Variants in COL6A3 observed in about 807,000 individuals in gnomAD.
The protein encoded by COL6A3 is collagen type VI alpha 3 chain, also known as collagen alpha-3(VI) chain.
Under a neutral mutation model 274.1 loss-of-function variants are expected in COL6A3, and 137 were observed. The observed-to-expected ratio is 0.50, with a 90% CI of 0.44 to 0.58. The LOEUF (loss-of-function observed/expected upper bound fraction) is 0.58, where lower values mean the gene tolerates loss of function less well. Among genes scored for constraint, COL6A3 ranks in the 20% least tolerant of loss-of-function variants. The probability of loss-of-function intolerance (pLI) is 0.00; values close to 1 mark genes in which losing one functional copy is unlikely to be tolerated. For synonymous variants in COL6A3, 1,650 were observed against 1,650.6 expected, an observed-to-expected ratio of 1.00 and a Z score of 0.01; for missense variants, 3,950 against 4,124.9, an observed-to-expected ratio of 0.96 and a Z score of 1.16.
At position 237,382,311 on chromosome 2, in the gene COL6A3, A is replaced by G. The variant is rs1210982438; in HGVS notation, c.1313-812T>C. 3.9e-5 allele frequency among the ~76,000 whole-genome samples: 6 copies of G among 152,266 alleles called. No homozygotes were observed. In the East Asian group the frequency reaches 1.2e-3, roughly 29 times the overall value. On this transcript the variant is annotated intron_variant, in intron 4 of 43. Transcript: ENST00000295550. ...GGCATGAGAATCACTTGAACCTGGA[A>G]GGAGGAGGTTCCAGTAAGCCGGGAT...
At chr2:237,383,428 C>T (rs1267262213) in intron 4 of COL6A3, among the ~76,000 whole-genome samples, 1 of 152,160 alleles carries the variant, frequency 6.6e-6, no homozygotes, top group African/African-American at 2.4e-5. Flanking sequence ...CATGCTGTCT[C>T]TCTGGGCTAC....
At chr2:237,377,484 C>A in intron 6 of COL6A3, 140 bp from the exon 7 acceptor site, 2 of 788,368 alleles carry the variant, frequency 2.5e-6, no homozygotes, top group South Asian at 3.0e-5. Context: ...AAGAGAAAAC[C>A]CAAATTCATA....
chr2:237,332,070 C>CACATATATAT (rs1700262837), intron 42 of COL6A3, among the ~76,000 whole-genome samples: 1 of 35,172 alleles, frequency 2.8e-5, no homozygotes, highest in Non-Finnish European at 7.0e-5. Flanking sequence ...TCTCTCTCTA[C>CACATATATAT]ATATATATAT....
intron 10 of COL6A3, 143 bp from the exon 11 acceptor site, chr2:237,367,429 C>T (rs2077580184): frequency 2.2e-5 from 22 of 994,286 alleles, no homozygotes; most frequent in Non-Finnish European, 2.9e-5. Flanking sequence ...ATCCATGCCT[C>T]TTTAGCCTGT....
intron 1 of COL6A3, among the ~76,000 whole-genome samples, chr2:237,398,684 C>T (rs905143233): frequency 2.6e-5 from 4 of 152,190 alleles, no homozygotes; most frequent in African/African-American, 9.7e-5. Flanking sequence ...TCTTGGAATT[C>T]TTAAAACATT....
intron 23 of COL6A3, 150 bp from the exon 24 acceptor site, chr2:237,355,084 C>G: frequency 1.4e-6 from 1 of 704,054 alleles, no homozygotes; most frequent in South Asian, 1.8e-5. Context: ...CCAGAAACCA[C>G]ACCTCATCAG....
chr2:237,411,747 C>A (rs746451945), intron 1 of COL6A3, among the ~76,000 whole-genome samples: 10 of 152,196 alleles, frequency 6.6e-5, no homozygotes, highest in Non-Finnish European at 1.5e-4. Context: ...GACAATTTTT[C>A]AGAAAGGTGC....
In COL6A3 at chr2:237,348,330, C is replaced by T. The variant is rs369486630; in HGVS notation, c.6966+19G>A. The T allele has an allele frequency of 1.2e-6, 2 of 1,602,660 alleles. No homozygotes were observed. The highest frequency in any genetic ancestry group is 1.1e-5 in the South Asian group (1 of 90,826). ...ATCCCAAAATCATGATGATGCTTCACCGACCAGGGATTATTTACCTTTGGT... is the reference window on the plus strand; with the variant it reads ...ATCCCAAAATCATGATGATGCTTCATCGACCAGGGATTATTTACCTTTGGT... On this transcript the variant is annotated intron_variant, in intron 30 of 43. Coordinates refer to ENST00000295550, the MANE Select transcript of COL6A3 (RefSeq NM_004369.4).
intron 26 of COL6A3, 126 bp from the exon 27 acceptor site, chr2:237,351,318 G>A (rs1392037312): frequency 3.6e-6 from 3 of 829,328 alleles, no homozygotes; most frequent in Non-Finnish European, 4.2e-6. Context: ...TGTCCCACCT[G>A]CAAATCCCAA....
intron 3 of COL6A3, among the ~76,000 whole-genome samples, chr2:237,390,024 G>A (rs779434591): frequency 6.6e-6 from 1 of 152,126 alleles, no homozygotes; most frequent in Non-Finnish European, 1.5e-5. Flanking sequence ...GCATAATACA[G>A]AGGCTCCACA....
At position 237,374,560 on chromosome 2, in the gene COL6A3, G is replaced by C. The variant is rs143705718; in HGVS notation, c.3531C>G (p.Thr1177=). The change falls in exon 8 of 44, where the codon ACC becomes ACG. Residue 1177 remains threonine, a synonymous_variant. Coordinates refer to ENST00000295550, the MANE Select transcript of COL6A3 (RefSeq NM_004369.4). The surrounding 1 kb of genome is among the most constrained non-coding windows in gnomAD (Gnocchi z 4.8). ...CGGCAAAGTCCGGGATGAAGGAGATGGTCTGCATCTCTGTGATGTCAGCGT... is the reference window on the plus strand; with the variant it reads ...CGGCAAAGTCCGGGATGAAGGAGATCGTCTGCATCTCTGTGATGTCAGCGT... The part of the protein sequence containing the change: ...IGNADITEMQ[T]ISFIPDFAVA... 5.3e-5 allele frequency: 85 copies of C among 1,614,216 alleles called. No individual in the cohort carries two copies. The African/African-American group carries it at 1.1e-3, about 21-fold the overall frequency.
At chr2:237,333,375 C>T in intron 42 of COL6A3, 75 bp downstream of exon 42, 2 of 1,405,454 alleles carry the variant, frequency 1.4e-6, no homozygotes, top group South Asian at 1.2e-5. Context: ...AGACTTAGAA[C>T]CCAGGAAGTT....
chr2:237,374,600 C>T lies in COL6A3; in HGVS notation c.3491G>A (p.Gly1164Asp). 1 of 1,614,216 alleles carries T rather than the reference C, an allele frequency of 6.2e-7. No individual in the cohort carries two copies. The highest frequency in any genetic ancestry group is 8.5e-7 in the Non-Finnish European group (1 of 1,180,048). Residue 1164 changes from glycine (G) to aspartate (D), a missense_variant, in exon 8 of 44, where the codon GGC becomes GAC. Physicochemically the swap from Gly to Asp is moderately conservative, Grantham distance 94. Coordinates refer to ENST00000295550, the MANE Select transcript of COL6A3 (RefSeq NM_004369.4). The surrounding 1 kb of genome is among the most constrained non-coding windows in gnomAD (Gnocchi z 4.8). ...VVKRGGAVPI[G>D]IGIGNADITE... is the part of the protein sequence containing the mutation. The stretch of plus-strand genomic sequence containing the variant: ...GATGTCAGCGTTCCCGATGCCAATG[C>T]CAATGGGCACAGCCCCACCCCTCTT...
chr2:237,395,864 A>G (rs751050157), intron 2 of COL6A3, among the ~76,000 whole-genome samples: 2 of 152,190 alleles, frequency 1.3e-5, no homozygotes, highest in African/African-American at 4.8e-5. Flanking sequence ...GATGTCAAAC[A>G]TTATCTATCT....
intron 29 of COL6A3, 86 bp downstream of exon 29, chr2:237,348,527 A>G: frequency 7.0e-7 from 1 of 1,426,468 alleles, no homozygotes; most frequent in Non-Finnish European, 9.8e-7. Context: ...TAAAGAAATA[A>G]TTCTTTTAAA....
rs187140309 is a variant in COL6A3, at chr2:237,371,390, G to C, written c.4285+342C>G. Among the ~76,000 whole-genome samples, 5 of 152,148 alleles carry C rather than the reference G, an allele frequency of 3.3e-5. No homozygotes were observed. The highest frequency in any genetic ancestry group is 5.9e-5 in the Non-Finnish European group (4 of 67,992). On this transcript the variant is annotated intron_variant, in intron 9 of 43. Transcript: ENST00000295550. The surrounding 1 kb of genome is among the most constrained non-coding windows in gnomAD (Gnocchi z 4.3). ...AGCAGGTGGATCACTTGAGCTCAGGGGCTTGAGACCAGCCTGGCCAACATG... is the reference window on the plus strand; with the variant it reads ...AGCAGGTGGATCACTTGAGCTCAGGCGCTTGAGACCAGCCTGGCCAACATG...
At chr2:237,405,938 G>A (rs1426179370) in intron 1 of COL6A3, among the ~76,000 whole-genome samples, 2 of 152,016 alleles carry the variant, frequency 1.3e-5, no homozygotes, top group Non-Finnish European at 2.9e-5. Flanking sequence ...GCTGGAAGGG[G>A]TCTGTTCCTT....
rs1203743403 is a variant in COL6A3 at position 237,352,508 on chromosome 2, T to TAGG, written c.6753+11_6753+13dup. Reference sequence around the variant, plus strand: ...GTTCAGCTAGAGAGGGGGCTGGTATTAGGACAGGCTTACCCGAGGTCCAGA... The same window carrying TAGG: ...GTTCAGCTAGAGAGGGGGCTGGTATTAGGAGGACAGGCTTACCCGAGGTCCAGA... On this transcript the variant is annotated intron_variant, in intron 26 of 43. Transcript: ENST00000295550. The TAGG allele has an allele frequency of 1.9e-6, 3 of 1,609,242 alleles. No homozygotes were observed. Among genetic ancestry groups the TAGG allele is most frequent in the Non-Finnish European group, 2.5e-6 (3 of 1,177,822 alleles).
chr2:237,376,266 A>T (rs2077836924), intron 7 of COL6A3, among the ~76,000 whole-genome samples: 2 of 152,314 alleles, frequency 1.3e-5, no homozygotes, highest in East Asian at 3.9e-4. Flanking sequence ...ATGAAAAGTC[A>T]TGGCAGTGTC....
Sources: allele counts gnomAD v4.1 joint callset (sites outside exome capture counted in the v4.1 genomes callset), GRCh38; gene constraint gnomAD v4.1.1; non-coding constraint Gnocchi (gnomAD v3.1); transcripts MANE v1.5; gene names NCBI Gene and HGNC (gene_info 2026-07-23, HGNC 2026-07-21).